PDE1C: variants seen among roughly 807,000 people sequenced by gnomAD.
PDE1C encodes phosphodiesterase 1C.
A neutral mutation model predicts 93.1 loss-of-function variants in PDE1C; 62 were observed. That is an observed-to-expected ratio of 0.67 (90% CI 0.54 to 0.82). The LOEUF is 0.82. PDE1C is among the 40% of genes least tolerant of loss of function. PDE1C has a pLI of 0.00. For synonymous variants in PDE1C, 325 were observed against 310.1 expected (o/e 1.05, Z -0.50); for missense variants, 742 against 884.6 (o/e 0.84, Z 2.04).
the PDE1C span, among the ~76,000 whole-genome samples, chr7:31,691,281 AAC>A: frequency 6.6e-6 from 1 of 152,196 alleles, no homozygotes. Context: ...CTCAAAAGAC[AAC>A]AGAGTTGAAC....
intron 2 of PDE1C, among the ~76,000 whole-genome samples, chr7:31,882,122 G>A (rs1303114472): frequency 6.6e-6 from 1 of 151,928 alleles, no homozygotes; most frequent in Non-Finnish European, 1.5e-5. Flanking sequence ...TAAGCAAGAG[G>A]GTCAACCATA....
intron 1 of PDE1C, among the ~76,000 whole-genome samples, chr7:32,251,083 G>A (rs1051151352): frequency 5.3e-5 from 8 of 152,180 alleles, no homozygotes; most frequent in African/African-American, 1.4e-4. Context: ...AAGCGCGCGT[G>A]CGCACACACA....
chr7:32,151,181 G>A lies in PDE1C; in HGVS notation c.308+18604C>T, dbSNP rs200883014. On this transcript the variant is annotated intron_variant, in intron 3 of 18. Coordinates refer to the PDE1C transcript ENST00000396193. ...CAATAGTGTTTCTTAGCAATCACAT[G>A]TGCAAAGTCCCCAAACCAGCTATTT... 8.5e-5 allele frequency among the ~76,000 whole-genome samples: 13 copies of A among 152,142 alleles called. No homozygotes were observed. The East Asian group carries it at 2.5e-3, about 29-fold the overall frequency.
intron 2 of PDE1C, among the ~76,000 whole-genome samples, chr7:32,206,309 G>A (rs1805518097): frequency 6.6e-6 from 1 of 152,134 alleles, no homozygotes; most frequent in Non-Finnish European, 1.5e-5. Context: ...GCCAGTTTAT[G>A]CAGTCTTCAA....
chr7:31,679,805 G>A, the PDE1C span, among the ~76,000 whole-genome samples: 3 of 152,162 alleles, frequency 2.0e-5, no homozygotes, highest in Non-Finnish European at 4.4e-5. Flanking sequence ...GAACGCTTGA[G>A]GTAATGTTTG....
chr7:31,916,831 A>G lies in PDE1C; in HGVS notation c.129-35971T>C, dbSNP rs563311317. Among the ~76,000 whole-genome samples, 25 of 152,324 alleles carry G rather than the reference A, an allele frequency of 1.6e-4. No individual in the cohort carries two copies. The South Asian group carries it at 2.3e-3, about 14-fold the overall frequency. On this transcript the variant is annotated intron_variant, in intron 2 of 17. Transcript: ENST00000396191. ...CCATCAGATCACCTATCATGACAGT[A>G]TCAGTTCCTGGCACATTTATTGGCA...
At chr7:31,856,809 A>G (rs979415670) in intron 7 of PDE1C, among the ~76,000 whole-genome samples, 1 of 151,760 alleles carries the variant, frequency 6.6e-6, no homozygotes, top group African/African-American at 2.4e-5. Context: ...TCGGGCTGCC[A>G]TAACAAAATA....
chr7:31,939,577 AAGG>A (rs1430532791), intron 2 of PDE1C, among the ~76,000 whole-genome samples: 4 of 152,178 alleles, frequency 2.6e-5, no homozygotes, highest in African/African-American at 7.2e-5. Context: ...AAGGATTTTT[AAGG>A]AGAAGAAATT....
At chr7:31,863,831 G>A (rs1446680105) in intron 7 of PDE1C, among the ~76,000 whole-genome samples, 1 of 152,062 alleles carries the variant, frequency 6.6e-6, no homozygotes, top group East Asian at 1.9e-4. Flanking sequence ...AGAGACTCAA[G>A]TAATTTATCA....
chr7:31,651,985 C>T, the PDE1C span: 2 of 1,606,040 alleles, frequency 1.2e-6, no homozygotes, highest in Non-Finnish European at 1.7e-6. Flanking sequence ...CCTGAGGCAG[C>T]AGGTGGCAGA....
intron 2 of PDE1C, among the ~76,000 whole-genome samples, chr7:32,020,724 G>T (rs1788546000): frequency 6.6e-6 from 1 of 152,106 alleles, no homozygotes; most frequent in Admixed American, 6.6e-5. Context: ...AGGCCCAAAA[G>T]AGTTCAGTCA....
chr7:32,081,922 C>T (rs1796685003), intron 3 of PDE1C, among the ~76,000 whole-genome samples: 1 of 152,188 alleles, frequency 6.6e-6, no homozygotes, highest in East Asian at 1.9e-4. Flanking sequence ...CTACAGCTCC[C>T]AGAGTGAGCG....
the PDE1C span, among the ~76,000 whole-genome samples, chr7:31,734,328 C>G: frequency 6.6e-6 from 1 of 152,062 alleles, no homozygotes; most frequent in Admixed American, 6.6e-5. Flanking sequence ...AAAAGGGGCC[C>G]CAGAGGTTGG....
chr7:32,144,258 C>T (rs1800695892), intron 3 of PDE1C, among the ~76,000 whole-genome samples: 1 of 152,164 alleles, frequency 6.6e-6, no homozygotes, highest in Non-Finnish European at 1.5e-5. Context: ...TTGTGTCTCT[C>T]TGTCTCTCTT....
chr7:32,085,823 T>C (rs1440503053), intron 3 of PDE1C, among the ~76,000 whole-genome samples: 3 of 150,492 alleles, frequency 2.0e-5, no homozygotes, highest in African/African-American at 7.4e-5. Flanking sequence ...CTAAAAACTC[T>C]CAATAAATTA....
At chr7:32,387,122 C>T (rs2128091840) in intron 1 of PDE1C, among the ~76,000 whole-genome samples, 2 of 151,380 alleles carry the variant, frequency 1.3e-5, no homozygotes, top group South Asian at 4.2e-4. Flanking sequence ...CAAAGCACAT[C>T]TTGCACCGCC....
At chr7:32,381,657 A>G (rs1343418869) in intron 1 of PDE1C, among the ~76,000 whole-genome samples, 2 of 152,100 alleles carry the variant, frequency 1.3e-5, no homozygotes, top group Admixed American at 1.3e-4. Context: ...TCCATTATCC[A>G]CATCCCTTTT....
intron 3 of PDE1C, among the ~76,000 whole-genome samples, chr7:32,145,516 T>C (rs1800784922): frequency 1.3e-5 from 2 of 152,192 alleles, no homozygotes; most frequent in Non-Finnish European, 1.5e-5. Flanking sequence ...ATGAGTGTTT[T>C]TTCACATCTA....
intron 1 of PDE1C, among the ~76,000 whole-genome samples, chr7:32,398,302 CAA>C (rs372761892): frequency 4.4e-5 from 6 of 137,444 alleles, no homozygotes; most frequent in Admixed American, 1.5e-4. Context: ...GACTCCGTCT[CAA>C]AAAAAAAAAA....
Sources: gnomAD v4.1 joint callset for allele counts (sites outside exome capture counted in the v4.1 genomes callset) on GRCh38, gnomAD v4.1.1 for gene constraint, MANE v1.5 for transcripts, NCBI Gene and HGNC (gene_info 2026-07-23, HGNC 2026-07-21) for gene names.